The following UNC13B variants were observed in gnomAD, a reference collection of about 807,000 sequenced individuals.
UNC13B encodes unc-13 homolog B, also known as protein unc-13 homolog B.
In UNC13B, 144 loss-of-function variants were observed where a neutral mutation model predicts 211.0. The observed-to-expected ratio is 0.68, with a 90% confidence interval of 0.60 to 0.78. UNC13B has a LOEUF of 0.78. Among genes scored for constraint, UNC13B ranks in the 30% least tolerant of loss-of-function variants. The pLI, the probability that UNC13B is intolerant of heterozygous loss-of-function variation, is 0.00. For synonymous variants in UNC13B, 709 were observed against 725.8 expected, an observed-to-expected ratio of 0.98 and a Z score of 0.37; for missense variants, 1,777 against 2,002.0, an observed-to-expected ratio of 0.89 and a Z score of 2.14.
chr9:35,257,580 C>CA (rs1160474466), intron 6 of UNC13B, among the ~76,000 whole-genome samples: 2,939 of 36,346 alleles, frequency 0.081, 612 homozygotes, highest in East Asian at 0.25. Flanking sequence ...GAATCTGTAT[C>CA]AAAAAAAAAA....
intron 11 of UNC13B, among the ~76,000 whole-genome samples, chr9:35,344,502 C>G (rs746581961): frequency 1.3e-5 from 2 of 152,290 alleles, no homozygotes; most frequent in South Asian, 4.1e-4. Context: ...ACAATGAATT[C>G]TCACTGTGTG....
chr9:35,196,221 G>A (rs914075278), intron 1 of UNC13B, among the ~76,000 whole-genome samples: 1 of 152,110 alleles, frequency 6.6e-6, no homozygotes, highest in African/African-American at 2.4e-5. Flanking sequence ...GGTGGTTATT[G>A]TATTTGGGAG....
chr9:35,236,805 C>T (rs552692364), intron 4 of UNC13B, among the ~76,000 whole-genome samples: 200 of 152,266 alleles, frequency 1.3e-3, no homozygotes, highest in African/African-American at 4.5e-3. Context: ...CTCACAGGCT[C>T]CAGAGCACCT....
intron 6 of UNC13B, among the ~76,000 whole-genome samples, chr9:35,252,135 G>A (rs1293200677): frequency 2.6e-4 from 39 of 152,134 alleles, no homozygotes; most frequent in Non-Finnish European, 2.9e-5. Context: ...ACTGAAAAGT[G>A]CATCTATTAG....
intron 37 of UNC13B, among the ~76,000 whole-genome samples, chr9:35,402,704 T>C (rs1164102856): frequency 2.6e-5 from 4 of 151,976 alleles, no homozygotes; most frequent in African/African-American, 4.8e-5. Flanking sequence ...GGATGAAGTA[T>C]TTCAGAGCAC....
At chr9:35,260,255 A>G (rs754838585) in intron 7 of UNC13B, among the ~76,000 whole-genome samples, 26 of 152,188 alleles carry the variant, frequency 1.7e-4, no homozygotes, top group South Asian at 2.1e-4. Flanking sequence ...AGCTAACACT[A>G]TTGAGGTCTT....
chr9:35,303,707 G>A lies in UNC13B; in HGVS notation c.4303G>A (p.Ala1435Thr), dbSNP rs970843012. Residue 1435 changes from alanine to threonine, a missense_variant, in exon 9 of 40, where the codon GCA becomes ACA. Coordinates refer to ENST00000635942, the MANE Select transcript of UNC13B (RefSeq NM_001371189.2). ...DLPYESFNQL[A>T]FNEDYLLRGD... is the part of the protein sequence containing the mutation. ...ACCATATGAATCATTCAATCAGTTA[G>A]CATTTAATGAAGATTACTTATTAAG... The A allele has an allele frequency of 2.8e-5, 11 of 398,620 alleles. No individual in the cohort carries two copies. In the East Asian group the frequency reaches 2.9e-4, roughly 10 times the overall value. The allele number at this position is 398,620 out of a possible 1,614,324, so 24.7% of individuals were successfully genotyped here.
At chr9:35,370,928 T>A (rs778344770) in intron 13 of UNC13B, among the ~76,000 whole-genome samples, 1 of 152,214 alleles carries the variant, frequency 6.6e-6, no homozygotes, top group Admixed American at 6.5e-5. Context: ...GAGTTAAAGC[T>A]GATCCCAGGG....
intron 11 of UNC13B, among the ~76,000 whole-genome samples, chr9:35,335,721 G>C (rs1255807370): frequency 6.8e-6 from 1 of 147,316 alleles, no homozygotes; most frequent in Non-Finnish European, 1.5e-5. Flanking sequence ...AAGGGGTCTT[G>C]GTCTGTCACT....
intron 11 of UNC13B, among the ~76,000 whole-genome samples, chr9:35,330,446 G>A (rs1378204191): frequency 6.6e-6 from 1 of 152,216 alleles, no homozygotes; most frequent in Non-Finnish European, 1.5e-5. Context: ...ATTTCAGGCT[G>A]TTATAGGGAT....
intron 26 of UNC13B, among the ~76,000 whole-genome samples, chr9:35,391,384 CTG>C (rs1835524438): frequency 3.3e-5 from 5 of 152,214 alleles, no homozygotes. Context: ...TCTACTCAGT[CTG>C]TGAAAGCCCA....
intron 7 of UNC13B, among the ~76,000 whole-genome samples, chr9:35,272,336 C>T (rs1246190466): frequency 6.7e-6 from 1 of 149,552 alleles, no homozygotes; most frequent in Non-Finnish European, 1.5e-5. Context: ...TGGGTCACTG[C>T]AACCTTTGCC....
chr9:35,263,265 A>G (rs1010831964), intron 7 of UNC13B, among the ~76,000 whole-genome samples: 1 of 152,200 alleles, frequency 6.6e-6, no homozygotes, highest in South Asian at 2.1e-4. Flanking sequence ...GTAAAAAATA[A>G]TAGTCCTTAA....
intron 1 of UNC13B, among the ~76,000 whole-genome samples, chr9:35,221,021 C>G (rs1016337819): frequency 6.6e-6 from 1 of 152,080 alleles, no homozygotes; most frequent in African/African-American, 2.4e-5. Context: ...ATGTTTAACA[C>G]CTTTTCATGT....
chr9:35,171,080 A>G (rs1021920428), intron 1 of UNC13B, among the ~76,000 whole-genome samples: 5 of 152,066 alleles, frequency 3.3e-5, no homozygotes, highest in Non-Finnish European at 5.9e-5. Flanking sequence ...AAGTGCTGGG[A>G]TTACAGGCAT....
At chr9:35,319,741 AC>A (rs1830648053) in intron 11 of UNC13B, among the ~76,000 whole-genome samples, 1 of 151,852 alleles carries the variant, frequency 6.6e-6, no homozygotes, top group Non-Finnish European at 1.5e-5. Flanking sequence ...GCTCACTGCA[AC>A]CTTAACTCCT....
intron 7 of UNC13B, among the ~76,000 whole-genome samples, chr9:35,276,201 G>A (rs778810250): frequency 6.6e-6 from 1 of 151,512 alleles, no homozygotes; most frequent in African/African-American, 2.4e-5. Context: ...AGCTACATGG[G>A]AGGCTGAAGC....
intron 1 of UNC13B, among the ~76,000 whole-genome samples, chr9:35,167,322 C>G (rs1199833136): frequency 6.6e-6 from 1 of 152,094 alleles, no homozygotes; most frequent in Non-Finnish European, 1.5e-5. Flanking sequence ...ATCCGCCTGC[C>G]TTGGCCTTGC....
At position 35,396,404 on chromosome 9, in the gene UNC13B, C is replaced by T. The variant is rs1001783949; in HGVS notation, c.11309-72C>T. 2.3e-5 allele frequency: 37 copies of T among 1,593,968 alleles called. No homozygotes were observed. In the Admixed American group the frequency reaches 5.1e-4, roughly 22 times the overall value. ...TGATGGAGCTGCCTGACCAGATCTGCTGCCTTGGGAAGGCTCAGGAACCAT... is the reference window on the plus strand; with the variant it reads ...TGATGGAGCTGCCTGACCAGATCTGTTGCCTTGGGAAGGCTCAGGAACCAT... On this transcript the variant is annotated intron_variant, in intron 26 of 39. Transcript: ENST00000635942.
Sources: gnomAD v4.1 joint callset for allele counts (sites outside exome capture counted in the v4.1 genomes callset) on GRCh38, gnomAD v4.1.1 for gene constraint, MANE v1.5 for transcripts, NCBI Gene and HGNC (gene_info 2026-07-23, HGNC 2026-07-21) for gene names.